NLRC3: variants seen among roughly 807,000 people sequenced by gnomAD.
The protein encoded by NLRC3 is NLR family CARD domain containing 3.
A neutral mutation model predicts 91.6 loss-of-function variants in NLRC3; 87 were observed. The observed-to-expected ratio is 0.95, with a 90% CI of 0.80 to 1.14. The LOEUF is 1.14. NLRC3 is among the 50% of genes most tolerant of loss of function. The pLI is 0.00. For missense variants in NLRC3, 1,577 were observed against 1,418.6 expected, an observed-to-expected ratio of 1.11 and a Z score of -1.79; for synonymous variants, 694 against 625.3, an observed-to-expected ratio of 1.11 and a Z score of -1.64.
In NLRC3 at chr16:3,564,964, C is replaced by T. The variant is rs1443809663; in HGVS notation, c.73G>A (p.Val25Met). The T allele has an allele frequency of 6.2e-7, 1 of 1,610,794 alleles. No individual in the cohort carries two copies. Among genetic ancestry groups the T allele is most frequent in the Non-Finnish European group, 8.5e-7 (1 of 1,179,728 alleles). Residue 25 changes from valine to methionine, a missense_variant, in exon 4 of 20, where the codon GTG becomes ATG. Transcript: ENST00000359128. This position sits in a 1 kb window ranked among gnomAD's most constrained non-coding sequence, Gnocchi z 5.9. ...GHGTGSPAEQ[V>M]KALMDLLAGK... The stretch of plus-strand genomic sequence containing the variant: ...GCCAGCAGATCCATGAGGGCTTTCA[C>T]CTGCTCGGCTGGGGAGCCCGTACCG...
At position 3,542,727 on chromosome 16, in the gene NLRC3, A is replaced by C. The variant is rs377613348; in HGVS notation, c.2988T>G (p.Asn996Lys). ...IGVAGAKALANALKVNSSLRR... is the reference protein window; with the variant it reads ...IGVAGAKALAKALKVNSSLRR... Reference sequence around the variant, plus strand: ...GGAGACTTGAGTTTACCTTCAGAGCATTTGCCAGGGCTTTGGCTCCAGCCA... The same window carrying C: ...GGAGACTTGAGTTTACCTTCAGAGCCTTTGCCAGGGCTTTGGCTCCAGCCA... Residue 996 changes from asparagine (N) to lysine (K), a missense_variant, in exon 18 of 20, where the codon AAT becomes AAG. Coordinates refer to ENST00000359128, the MANE Select transcript of NLRC3 (RefSeq NM_178844.4). The C allele has an allele frequency of 6.8e-6, 11 of 1,610,790 alleles. No homozygotes were observed. Among genetic ancestry groups the C allele is most frequent in the African/African-American group, 1.3e-5 (1 of 74,886 alleles).
At chr16:3,573,745 TACACATA>T (rs1280994667) in intron 1 of NLRC3, among the ~76,000 whole-genome samples, 2 of 152,144 alleles carry the variant, frequency 1.3e-5, no homozygotes, top group African/African-American at 4.8e-5. Context: ...TTTGGTAAAA[TACACATA>T]ACACAAAATT....
At chr16:3,544,485 G>A in intron 15 of NLRC3, 156 bp from the exon 16 acceptor site, 1 of 624,028 alleles carries the variant, frequency 1.6e-6, no homozygotes, top group Non-Finnish European at 2.9e-6. Flanking sequence ...CACAGGCCCT[G>A]CAGCCCGCCG....
intron 6 of NLRC3, among the ~76,000 whole-genome samples, chr16:3,559,637 T>C (rs1039302598): frequency 6.8e-6 from 1 of 147,980 alleles, no homozygotes; most frequent in African/African-American, 2.5e-5. Flanking sequence ...TTTTCTTTTT[T>C]TTTTTCTTTT....
rs912317811 is a variant in NLRC3, at chr16:3,577,247, T to G, written c.-267A>C. Reference sequence around the variant, plus strand: ...GCTCAGCCCTGCTCCAGCTGCGTGGTGGTAGATGCCCTGGGAATCCCTGTG... The same window carrying G: ...GCTCAGCCCTGCTCCAGCTGCGTGGGGGTAGATGCCCTGGGAATCCCTGTG... On this transcript the variant is annotated 5_prime_UTR_variant, in exon 1 of 20. Coordinates refer to ENST00000359128, the MANE Select transcript of NLRC3 (RefSeq NM_178844.4). 11 of 701,602 alleles carry G rather than the reference T, an allele frequency of 1.6e-5. No individual in the cohort carries two copies. The African/African-American group carries it at 1.9e-4, about 12-fold the overall frequency. The allele number at this position is 701,602 out of a possible 1,614,324, so 43.5% of individuals were successfully genotyped here.
At chr16:3,561,274 G>A (rs1221326067) in intron 6 of NLRC3, among the ~76,000 whole-genome samples, 1 of 152,018 alleles carries the variant, frequency 6.6e-6, no homozygotes, top group African/African-American at 2.4e-5. Flanking sequence ...TTGAGCCTGG[G>A]AGGCAGAGAT....
intron 10 of NLRC3, among the ~76,000 whole-genome samples, chr16:3,551,169 C>G (rs1389354314): frequency 6.6e-6 from 1 of 151,456 alleles, no homozygotes; most frequent in Admixed American, 6.6e-5. Flanking sequence ...CTAATTCATT[C>G]AGCCATGCCT....
chr16:3,556,790 A>T (rs2039357724), intron 8 of NLRC3, 121 bp downstream of exon 8: 1 of 693,790 alleles, frequency 1.4e-6, no homozygotes, highest in Non-Finnish European at 2.6e-6. Context: ...GATGTGAGCC[A>T]CTGTGCCCGG....
chr16:3,564,375 G>C lies in NLRC3; in HGVS notation c.562C>G (p.Leu188Val), dbSNP rs1330782041. The C allele has an allele frequency of 5.6e-6, 9 of 1,612,280 alleles. No homozygotes were observed. In the East Asian group the frequency reaches 1.1e-4, roughly 20 times the overall value. Residue 188 changes from leucine (L) to valine (V), a missense_variant, in exon 5 of 20, where the codon CTG becomes GTG. Physicochemically the swap from Leu to Val is conservative, Grantham distance 32 (BLOSUM62 1). Coordinates refer to ENST00000359128, the MANE Select transcript of NLRC3 (RefSeq NM_178844.4). The surrounding 1 kb of genome is among the most constrained non-coding windows in gnomAD (Gnocchi z 5.9). Reference sequence around the variant, plus strand: ...GAGCAGATGAGTCGGTCGGCACACAGCTTCTCGTGGGTGTTGAGATCCCGG... The same window carrying C: ...GAGCAGATGAGTCGGTCGGCACACACCTTCTCGTGGGTGTTGAGATCCCGG... ...TFRDLNTHEK[L>V]CADRLICSVF...
In NLRC3 at chr16:3,541,909, C is replaced by G. The variant is rs1004947001; in HGVS notation, c.3114G>C (p.Gln1038His). 6 of 1,603,424 alleles carry G rather than the reference C, an allele frequency of 3.7e-6. No homozygotes were observed. The Admixed American group carries it at 5.0e-5, about 13-fold the overall frequency. The change falls in exon 20 of 20, where the codon CAG becomes CAC. Residue 1038 changes from glutamine (Q) to histidine (H), a missense_variant. Physicochemically the swap from Gln to His is conservative, Grantham distance 24. Transcript: ENST00000359128. ...GNHRLQHINLQGNHIGDSGAR... is the reference protein window; with the variant it reads ...GNHRLQHINLHGNHIGDSGAR... ...CCCCGGAGTCCCCAATGTGGTTTCC[C>G]TGGAGACTAGAAGAGTAGGGTTAAG...
chr16:3,541,861 G>T lies in NLRC3; in HGVS notation c.3162C>A (p.Ile1054=), dbSNP rs750159811. Reference sequence around the variant, plus strand: ...CAGTGCACGTGGGAGCATTTGTCTTGATGGCCTCTGAGATCATCCTGGCCC... The same window carrying T: ...CAGTGCACGTGGGAGCATTTGTCTTTATGGCCTCTGAGATCATCCTGGCCC... ...DSGARMISEA[I]KTNAPTCTVE... is the part of the protein sequence containing the mutation. The change falls in exon 20 of 20, where the codon ATC becomes ATA. Residue 1054 remains isoleucine, a synonymous_variant. Coordinates refer to ENST00000359128, the MANE Select transcript of NLRC3 (RefSeq NM_178844.4). 1.2e-6 allele frequency: 2 copies of T among 1,612,836 alleles called. No individual in the cohort carries two copies. Among genetic ancestry groups the T allele is most frequent in the South Asian group, 1.1e-5 (1 of 90,764 alleles).
intron 10 of NLRC3, among the ~76,000 whole-genome samples, chr16:3,551,251 CTCAT>C (rs1168514160): frequency 4.0e-5 from 6 of 148,284 alleles, no homozygotes; most frequent in Admixed American, 2.0e-4. Context: ...CACCCACTCA[CTCAT>C]TCATTCACTC....
intron 9 of NLRC3, among the ~76,000 whole-genome samples, 191 bp downstream of exon 9, chr16:3,554,051 G>A (rs892969960): frequency 2.6e-5 from 4 of 152,002 alleles, no homozygotes; most frequent in Non-Finnish European, 5.9e-5. Context: ...CCAGCCAGGA[G>A]GTTTTATTTT....
chr16:3,543,914 G>A, intron 16 of NLRC3: 1 of 348,322 alleles, frequency 2.9e-6, no homozygotes, highest in Non-Finnish European at 5.4e-6. Flanking sequence ...AGCACTTTGG[G>A]AGGCTGAGGT....
chr16:3,563,005 C>A lies in NLRC3; in HGVS notation c.1928+4G>T. ...CAGCCCCTGCCCCCTGCCCTGGTAT[C>A]CACCTGAGCTTCCGGCAGTAGAGCA... is the stretch of plus-strand genomic sequence containing the variant. On this transcript the variant is annotated splice_donor_region_variant and intron_variant, in intron 5 of 19. Coordinates refer to ENST00000359128, the MANE Select transcript of NLRC3 (RefSeq NM_178844.4). 1.9e-6 allele frequency: 3 copies of A among 1,550,552 alleles called. No homozygotes were observed. The highest frequency in any genetic ancestry group is 2.6e-6 in the Non-Finnish European group (3 of 1,147,740).
At chr16:3,543,744 G>T (rs1567458135) in intron 16 of NLRC3, 2 of 552,262 alleles carry the variant, frequency 3.6e-6, no homozygotes, top group East Asian at 6.1e-5. Flanking sequence ...AGGGCTCGGG[G>T]AGAATGCTCC....
chr16:3,572,217 G>T (rs2040121943), intron 1 of NLRC3, among the ~76,000 whole-genome samples: 2 of 151,848 alleles, frequency 1.3e-5, no homozygotes, highest in Admixed American at 6.6e-5. Context: ...AAAAGCAAAA[G>T]AATAAACTAT....
At position 3,563,048 on chromosome 16, in the gene NLRC3, T is replaced by C. The variant is rs1394374932; in HGVS notation, c.1889A>G (p.Gln630Arg). Residue 630 changes from glutamine to arginine, a missense_variant, in exon 5 of 20, where the codon CAG (glutamine) becomes CGG (arginine). By Grantham distance (43) the Gln-to-Arg change is conservative. Transcript: ENST00000359128. ...LSLSLSQGVL[Q>R]SLLPQLLYCR... ...GTAGAGCAGCTGGGGCAGCAGGCTC[T>C]GAAGGACGCCCTGGCTGAGGCTCAG... is the stretch of plus-strand genomic sequence containing the variant. 6.4e-7 allele frequency: 1 copy of C among 1,560,108 alleles called. No individual in the cohort carries two copies. The highest frequency in any genetic ancestry group is 1.9e-5 in the Admixed American group (1 of 52,278).
Position 3,542,208 on chromosome 16 carries a change from G to C in NLRC3, c.3090C>G (p.His1030Gln). The change falls in exon 19 of 20, where the codon CAC becomes CAG. Residue 1030 changes from histidine (H) to glutamine (Q), a missense_variant. Coordinates refer to ENST00000359128, the MANE Select transcript of NLRC3 (RefSeq NM_178844.4). ...ICIATALSGN[H>Q]RLQHINLQGN... The stretch of plus-strand genomic sequence containing the variant: ...GCACTCACTTGATATGCTGGAGCCT[G>C]TGGTTTCCAGACAGTGCTGTGGCAA... 2 of 1,587,866 alleles carry C rather than the reference G, an allele frequency of 1.3e-6. No individual in the cohort carries two copies. Among genetic ancestry groups the C allele is most frequent in the Non-Finnish European group, 1.7e-6 (2 of 1,166,108 alleles).
Sources: allele counts gnomAD v4.1 joint callset (sites outside exome capture counted in the v4.1 genomes callset), GRCh38; gene constraint gnomAD v4.1.1; non-coding constraint Gnocchi (gnomAD v3.1); transcripts MANE v1.5; gene names NCBI Gene and HGNC (gene_info 2026-07-23, HGNC 2026-07-21).